CIB4: variants seen among roughly 807,000 people sequenced by gnomAD.
CIB4 encodes the protein calcium and integrin binding family member 4.
Under a neutral mutation model 25.8 loss-of-function variants are expected in CIB4, and 25 were observed. That is an observed-to-expected ratio of 0.97 (90% CI 0.71 to 1.35). The LOEUF (loss-of-function observed/expected upper bound fraction) is 1.35, where lower values mean the gene tolerates loss of function less well. CIB4 is among the 40% of genes most tolerant of loss of function. The pLI is 0.00. For missense variants in CIB4, 235 were observed against 228.2 expected, an observed-to-expected ratio of 1.03 and a Z score of -0.19; for synonymous variants, 75 against 81.4, an observed-to-expected ratio of 0.92 and a Z score of 0.42.
chr2:26,585,747 G>A (rs142987712), intron 4 of CIB4, among the ~76,000 whole-genome samples: 1 of 152,052 alleles, frequency 6.6e-6, no homozygotes, highest in Admixed American at 6.5e-5. Context: ...AATGCCAAAT[G>A]TATGTCTCCA....
Position 26,595,284 on chromosome 2 carries a change from A to G in CIB4, c.220T>C (p.Phe74Leu), listed in dbSNP as rs748543097. The change falls in exon 4 of 7, where the codon TTC (phenylalanine) becomes CTC (leucine). Residue 74 changes from phenylalanine to leucine, a missense_variant. By Grantham distance (22) the Phe-to-Leu change is conservative. Transcript: ENST00000288861. Reference sequence around the variant, plus strand: ...AAGGAGAACATGCCTTTGTGGGAGAACACTCTGCAGATACGGTCTCTGAAA... The same window carrying G: ...AAGGAGAACATGCCTTTGTGGGAGAGCACTCTGCAGATACGGTCTCTGAAA... Reference protein sequence around the residue: ...NPFRDRICRVFSHKGMFSFED... With the variant: ...NPFRDRICRVLSHKGMFSFED... The G allele has an allele frequency of 4.3e-6, 7 of 1,614,034 alleles. No homozygotes were observed. The East Asian group carries it at 1.6e-4, about 36-fold the overall frequency.
At chr2:26,629,314 G>T in intron 3 of CIB4, 96 bp downstream of exon 3, 1 of 771,244 alleles carries the variant, frequency 1.3e-6, no homozygotes, top group South Asian at 1.5e-5. Flanking sequence ...CCCACAGCAC[G>T]GAGTGCCCAC....
At chr2:26,585,392 T>A (rs369910051) in intron 4 of CIB4, among the ~76,000 whole-genome samples, 3 of 152,010 alleles carry the variant, frequency 2.0e-5, no homozygotes, top group East Asian at 3.9e-4. Context: ...CATCAGGGGT[T>A]AAGTCTGGAA....
chr2:26,625,243 G>T (rs188757683), intron 3 of CIB4, among the ~76,000 whole-genome samples: 57 of 152,204 alleles, frequency 3.7e-4, no homozygotes, highest in African/African-American at 1.3e-3. Flanking sequence ...TGTGCATAGC[G>T]CTGGCAGTTA....
intron 3 of CIB4, among the ~76,000 whole-genome samples, chr2:26,606,046 G>A (rs77974388): frequency 0.013 from 1,981 of 152,280 alleles, 39 homozygotes; most frequent in African/African-American, 0.045. Flanking sequence ...GGGGGGAGGC[G>A]CGGGGGAGGG....
intron 3 of CIB4, among the ~76,000 whole-genome samples, chr2:26,618,278 A>C (rs534063443): frequency 2.8e-4 from 42 of 152,240 alleles, no homozygotes; most frequent in African/African-American, 8.9e-4. Flanking sequence ...CTGCAAGAAG[A>C]AGCAGGACTG....
chr2:26,629,300 C>T, intron 3 of CIB4, 110 bp downstream of exon 3: 1 of 706,354 alleles, frequency 1.4e-6, no homozygotes, highest in South Asian at 1.6e-5. Context: ...AGTGAGGTGA[C>T]CATCCCACAG....
intron 3 of CIB4, among the ~76,000 whole-genome samples, chr2:26,609,346 C>CA (rs1668953229): frequency 6.6e-6 from 1 of 152,042 alleles, no homozygotes; most frequent in Non-Finnish European, 1.5e-5. Context: ...GCAAATGCTA[C>CA]AAGCCAGGGC....
At chr2:26,629,357 A>T (rs546825980) in intron 3 of CIB4, 53 bp downstream of exon 3, 2 of 930,812 alleles carry the variant, frequency 2.1e-6, no homozygotes, top group Non-Finnish European at 3.3e-6. Context: ...CCATCAGCCC[A>T]TCAGCAGGTC....
At chr2:26,637,729 C>T (rs953888088) in intron 2 of CIB4, among the ~76,000 whole-genome samples, 5 of 152,144 alleles carry the variant, frequency 3.3e-5, no homozygotes, top group African/African-American at 9.7e-5. Context: ...CTCCTGCCTT[C>T]GCTGGTCCTC....
intron 3 of CIB4, among the ~76,000 whole-genome samples, chr2:26,601,465 C>T (rs1409881478): frequency 6.6e-6 from 1 of 151,646 alleles, no homozygotes; most frequent in Non-Finnish European, 1.5e-5. Context: ...AGTGGACATT[C>T]ATATGGGGAA....
At chr2:26,636,689 G>A (rs1265062725) in intron 2 of CIB4, among the ~76,000 whole-genome samples, 3 of 151,468 alleles carry the variant, frequency 2.0e-5, no homozygotes, top group Non-Finnish European at 2.9e-5. Context: ...AGGTCCATAA[G>A]AGATGATTTT....
chr2:26,588,663 T>A (rs1198035803), intron 4 of CIB4, among the ~76,000 whole-genome samples: 1 of 152,166 alleles, frequency 6.6e-6, no homozygotes, highest in Admixed American at 6.5e-5. Flanking sequence ...TGAGGTTTCT[T>A]CCTTTGCCTC....
At chr2:26,631,989 C>T (rs1669428173) in intron 2 of CIB4, among the ~76,000 whole-genome samples, 1 of 152,208 alleles carries the variant, frequency 6.6e-6, no homozygotes, top group Non-Finnish European at 1.5e-5. Flanking sequence ...TCCTTCACTG[C>T]AAAGCACCTT....
chr2:26,589,027 T>C (rs956935208), intron 4 of CIB4, among the ~76,000 whole-genome samples: 701 of 36,164 alleles, frequency 0.019, 65 homozygotes, highest in African/African-American at 0.069. Context: ...CTTCTTCTTC[T>C]TCTTCTTCTT....
chr2:26,624,292 C>T (rs1422304058), intron 3 of CIB4, among the ~76,000 whole-genome samples: 1 of 152,224 alleles, frequency 6.6e-6, no homozygotes, highest in African/African-American at 2.4e-5. Context: ...TCACGCAGCT[C>T]CCGTCCTTGC....
intron 4 of CIB4, among the ~76,000 whole-genome samples, chr2:26,593,945 G>T (rs1249940148): frequency 6.6e-6 from 1 of 152,170 alleles, no homozygotes; most frequent in East Asian, 1.9e-4. Context: ...ACTTTGTAGG[G>T]GCTGTGTGTG....
At chr2:26,625,646 C>T in intron 3 of CIB4, among the ~76,000 whole-genome samples, 1 of 152,228 alleles carries the variant, frequency 6.6e-6, no homozygotes, top group Non-Finnish European at 1.5e-5. Context: ...GCCACTGTGC[C>T]CACCTGTGGA....
intron 3 of CIB4, among the ~76,000 whole-genome samples, chr2:26,598,522 C>T (rs975658434): frequency 2.6e-5 from 4 of 152,084 alleles, no homozygotes; most frequent in Admixed American, 1.3e-4. Flanking sequence ...GTGAGGAATC[C>T]GAGTATGGAG....
Sources: allele counts gnomAD v4.1 joint callset (sites outside exome capture counted in the v4.1 genomes callset), GRCh38; gene constraint gnomAD v4.1.1; transcripts MANE v1.5; gene names NCBI Gene and HGNC (gene_info 2026-07-23, HGNC 2026-07-21).